Variants in SDK1 observed in about 807,000 individuals in gnomAD.
SDK1 encodes the protein protein sidekick-1.
Under a neutral mutation model 245.5 loss-of-function variants are expected in SDK1, and 157 were observed. The ratio of observed to expected loss-of-function variants is 0.64; its 90% CI spans 0.56 to 0.73. The LOEUF is 0.73. Among genes scored for constraint, SDK1 ranks in the 30% least tolerant of loss-of-function variants. The pLI, the probability that SDK1 is intolerant of heterozygous loss-of-function variation, is 0.00. For synonymous variants in SDK1, 1,647 were observed against 1,278.5 expected (o/e 1.29, Z -6.15); for missense variants, 3,583 against 3,002.3 (o/e 1.19, Z -4.52).
chr7:3,334,907 G>A (rs1780160207), intron 1 of SDK1, among the ~76,000 whole-genome samples: 3 of 151,892 alleles, frequency 2.0e-5, no homozygotes, highest in Admixed American at 2.0e-4. Context: ...CTCACTTAGT[G>A]TCTCCCATTT....
chr7:4,023,857 G>A (rs1787125807), intron 17 of SDK1, among the ~76,000 whole-genome samples: 1 of 152,252 alleles, frequency 6.6e-6, no homozygotes, highest in South Asian at 2.1e-4. Flanking sequence ...GTGAACCTGA[G>A]TGTGGAACAC....
At chr7:3,801,561 A>G (rs900929205) in intron 4 of SDK1, among the ~76,000 whole-genome samples, 2 of 152,174 alleles carry the variant, frequency 1.3e-5, no homozygotes, top group African/African-American at 4.8e-5. Context: ...GGGTTGAGCA[A>G]CCAGATCATC....
At chr7:3,596,893 G>A (rs548958567) in intron 1 of SDK1, among the ~76,000 whole-genome samples, 1 of 152,170 alleles carries the variant, frequency 6.6e-6, no homozygotes, top group East Asian at 1.9e-4. Flanking sequence ...TACAGAAACA[G>A]CTAGATTGGT....
At chr7:3,748,158 G>A (rs905526303) in intron 4 of SDK1, among the ~76,000 whole-genome samples, 1 of 152,098 alleles carries the variant, frequency 6.6e-6, no homozygotes, top group Non-Finnish European at 1.5e-5. Context: ...AACGTTGAAA[G>A]CAGGGTACAA....
intron 38 of SDK1, among the ~76,000 whole-genome samples, chr7:4,216,858 G>T (rs1293096334): frequency 3.3e-5 from 5 of 152,200 alleles, no homozygotes; most frequent in Admixed American, 1.3e-4. Flanking sequence ...TGTGAACACA[G>T]TCGTGGCTCA....
intron 4 of SDK1, among the ~76,000 whole-genome samples, chr7:3,722,773 C>A (rs955288472): frequency 6.6e-6 from 1 of 152,194 alleles, no homozygotes; most frequent in African/African-American, 2.4e-5. Flanking sequence ...CAGCACCGCC[C>A]TCTGTCTGTT....
intron 4 of SDK1, among the ~76,000 whole-genome samples, chr7:3,659,186 T>G (rs1354581616): frequency 6.6e-6 from 1 of 152,204 alleles, no homozygotes; most frequent in Non-Finnish European, 1.5e-5. Context: ...TTGGTGCCTT[T>G]CCTGGACTAC....
chr7:3,511,320 C>T (rs1302355176), intron 1 of SDK1, among the ~76,000 whole-genome samples: 5 of 152,066 alleles, frequency 3.3e-5, no homozygotes, highest in African/African-American at 9.7e-5. Flanking sequence ...TACCTATTTA[C>T]GTGTGTTGAG....
chr7:3,514,315 G>A (rs1337809006), intron 1 of SDK1, among the ~76,000 whole-genome samples: 1 of 152,122 alleles, frequency 6.6e-6, no homozygotes, highest in Non-Finnish European at 1.5e-5. Flanking sequence ...GTGTGAATTT[G>A]TGTTTTCTGT....
chr7:4,179,541 G>C (rs1782467965), intron 35 of SDK1, among the ~76,000 whole-genome samples: 4 of 152,132 alleles, frequency 2.6e-5, no homozygotes, highest in Admixed American at 1.3e-4. Flanking sequence ...GAATGGTCAA[G>C]CGGTATTTGC....
intron 1 of SDK1, among the ~76,000 whole-genome samples, chr7:3,463,901 G>A (rs543983470): frequency 1.3e-5 from 2 of 152,302 alleles, no homozygotes; most frequent in South Asian, 4.1e-4. Context: ...GGGCCCCAAA[G>A]TTCTTTTGTT....
At chr7:4,041,080 A>T (rs571880609) in intron 17 of SDK1, among the ~76,000 whole-genome samples, 2 of 152,328 alleles carry the variant, frequency 1.3e-5, no homozygotes, top group East Asian at 3.9e-4. Context: ...TCCTGTATCA[A>T]TTGGTCCTGT....
rs550144171 is a variant in SDK1 at position 3,340,386 on chromosome 7, A to G, written c.298+38502A>G. ...TAGAAAATGCTGACACAAAGTGAGCACATGCTGTTGGAAAAATGGTGCTGA... is the reference window on the plus strand; with the variant it reads ...TAGAAAATGCTGACACAAAGTGAGCGCATGCTGTTGGAAAAATGGTGCTGA... On this transcript the variant is annotated intron_variant, in intron 1 of 44. Transcript: ENST00000404826. Among the ~76,000 whole-genome samples, 4 of 152,366 alleles carry G rather than the reference A, an allele frequency of 2.6e-5. No individual in the cohort carries two copies. The East Asian group carries it at 5.8e-4, about 22-fold the overall frequency.
intron 1 of SDK1, among the ~76,000 whole-genome samples, chr7:3,350,260 A>T (rs1275555481): frequency 6.6e-6 from 1 of 152,164 alleles, no homozygotes; most frequent in Non-Finnish European, 1.5e-5. Context: ...TGAGTGTGGA[A>T]AAAAACAAAG....
chr7:3,634,845 G>A lies in SDK1; in HGVS notation c.459-4159G>A, dbSNP rs145593742. ...CTCTATTTCTGCTTCTTGTTTGAAA[G>A]CAGTTCTATTTTTGGGCGTTAGTAC... On this transcript the variant is annotated intron_variant, in intron 2 of 44. Transcript: ENST00000404826. Among the ~76,000 whole-genome samples, 411 of 152,254 alleles carry A rather than the reference G, an allele frequency of 2.7e-3. 3 individuals carry two copies. The highest frequency in any genetic ancestry group is 9.6e-3 in the African/African-American group (400 of 41,562).
chr7:3,440,678 G>GACTT (rs1780169123), intron 1 of SDK1, among the ~76,000 whole-genome samples: 2 of 152,150 alleles, frequency 1.3e-5, no homozygotes, highest in South Asian at 4.1e-4. Context: ...GAACGTTCTT[G>GACTT]ACTTAAGAAG....
chr7:3,735,200 T>C (rs577959591), intron 4 of SDK1, among the ~76,000 whole-genome samples: 8 of 152,292 alleles, frequency 5.3e-5, no homozygotes, highest in African/African-American at 1.9e-4. Flanking sequence ...AAATTTATCA[T>C]CCTAACCATT....
intron 1 of SDK1, among the ~76,000 whole-genome samples, chr7:3,456,023 T>C (rs1780654123): frequency 6.6e-6 from 1 of 152,202 alleles, no homozygotes; most frequent in Non-Finnish European, 1.5e-5. Context: ...TGGTTGACAG[T>C]CCTTTTCTTT....
At chr7:3,678,585 A>T (rs1375025414) in intron 4 of SDK1, among the ~76,000 whole-genome samples, 1 of 152,256 alleles carries the variant, frequency 6.6e-6, no homozygotes, top group Non-Finnish European at 1.5e-5. Context: ...ACGCAAATTC[A>T]TAAAGTCGGA....
Sources: gnomAD v4.1 joint callset for allele counts (sites outside exome capture counted in the v4.1 genomes callset) on GRCh38, gnomAD v4.1.1 for gene constraint, MANE v1.5 for transcripts, NCBI Gene and HGNC (gene_info 2026-07-23, HGNC 2026-07-21) for gene names.